RHBDL3: variants seen among roughly 807,000 people sequenced by gnomAD.
RHBDL3 encodes the protein rhomboid like 3.
A neutral mutation model predicts 48.2 loss-of-function variants in RHBDL3; 28 were observed. The observed-to-expected ratio is 0.58, with a 90% confidence interval of 0.43 to 0.80. The LOEUF (loss-of-function observed/expected upper bound fraction) is 0.80. Ranked by LOEUF, RHBDL3 falls within the 30% of genes least tolerant of loss-of-function variation. The probability of loss-of-function intolerance (pLI) is 0.00; values close to 1 mark genes in which losing one functional copy is unlikely to be tolerated. For synonymous variants in RHBDL3, 208 were observed against 232.3 expected, an observed-to-expected ratio of 0.90 and a Z score of 0.95; for missense variants, 464 against 542.7, an observed-to-expected ratio of 0.85 and a Z score of 1.44.
chr17:32,282,685 C>G (rs369956811), intron 2 of RHBDL3, among the ~76,000 whole-genome samples: 1 of 152,054 alleles, frequency 6.6e-6, no homozygotes, highest in South Asian at 2.1e-4. Context: ...TGCAGTGGCA[C>G]GATGTCGGCT....
intron 2 of RHBDL3, chr17:32,284,266 C>CT (rs1156694622): frequency 1.2e-5 from 2 of 163,046 alleles, no homozygotes; most frequent in African/African-American, 4.8e-5. Context: ...GCCCAGTCCC[C>CT]TTTCCCTTTG....
At chr17:32,302,405 G>A (rs1431936771) in intron 6 of RHBDL3, among the ~76,000 whole-genome samples, 1 of 151,976 alleles carries the variant, frequency 6.6e-6, no homozygotes, top group East Asian at 1.9e-4. Context: ...CATCCAGGCT[G>A]GAGTGTAGTG....
intron 4 of RHBDL3, among the ~76,000 whole-genome samples, chr17:32,291,955 A>G (rs886914058): frequency 2.6e-5 from 4 of 151,888 alleles, no homozygotes; most frequent in Admixed American, 2.6e-4. Flanking sequence ...TATTTTTAGT[A>G]GAGACGGGGT....
Position 32,298,092 on chromosome 17 carries a change from G to C in RHBDL3, c.669G>C (p.Gly223=), listed in dbSNP as rs766229314. 3 of 1,608,820 alleles carry C rather than the reference G, an allele frequency of 1.9e-6. No individual in the cohort carries two copies. The highest frequency in any genetic ancestry group is 1.7e-5 in the Admixed American group (1 of 59,958). ...AGTGAGTGTGGTCTCTCTGTCACAG[G>C]ATAGAACACCTGGGACTCAATGTGG... The part of the protein sequence containing the change: ...RYLTYIFMHA[G]IEHLGLNVVL... Residue 223 remains glycine, a splice_region_variant and synonymous_variant, in exon 6 of 9, where the codon GGG becomes GGC. Transcript: ENST00000269051.
chr17:32,289,478 G>T (rs2040277256), intron 4 of RHBDL3, among the ~76,000 whole-genome samples: 1 of 152,132 alleles, frequency 6.6e-6, no homozygotes, highest in African/African-American at 2.4e-5. Context: ...CCTCTCCCAG[G>T]ACACCTTTAT....
At chr17:32,297,282 A>G (rs540457756) in intron 5 of RHBDL3, among the ~76,000 whole-genome samples, 151 of 152,274 alleles carry the variant, frequency 9.9e-4, no homozygotes, top group South Asian at 9.3e-3. Context: ...AGCCTGCCTA[A>G]CATGGTGAAA....
intron 6 of RHBDL3, among the ~76,000 whole-genome samples, chr17:32,301,034 C>T (rs1357947000): frequency 3.3e-5 from 5 of 152,128 alleles, no homozygotes; most frequent in South Asian, 2.1e-4. Flanking sequence ...TGCCCACCAC[C>T]GCGCCCGGCT....
intron 7 of RHBDL3, among the ~76,000 whole-genome samples, chr17:32,313,960 T>C (rs1055967809): frequency 9.2e-5 from 14 of 152,196 alleles, no homozygotes; most frequent in Admixed American, 5.2e-4. Flanking sequence ...GATTTCACCA[T>C]GTTAGCCAGG....
intron 2 of RHBDL3, among the ~76,000 whole-genome samples, chr17:32,276,830 G>A (rs111344847): frequency 7.8e-5 from 6 of 76,712 alleles, no homozygotes; most frequent in Non-Finnish European, 1.2e-4. Context: ...TCCGGCCCTA[G>A]CACCTTACTC....
rs535866723 is a variant in RHBDL3, at chr17:32,321,493, T to A, written c.*264T>A. 3.3e-5 allele frequency: 30 copies of A among 895,924 alleles called. No homozygotes were observed. The highest frequency in any genetic ancestry group is 2.6e-4 in the Middle Eastern group (1 of 3,844). The allele number at this position is 895,924 out of a possible 1,614,324, so 55.5% of individuals were successfully genotyped here. ...GCCAGGGTGAAGGTCTGGGGTGGGG[T>A]GTGAGAGTGGCCCTCCCTCACCTGG... is the stretch of plus-strand genomic sequence containing the variant. On this transcript the variant is annotated 3_prime_UTR_variant, in exon 9 of 9. Transcript: ENST00000269051.
intron 5 of RHBDL3, among the ~76,000 whole-genome samples, chr17:32,296,331 C>T (rs1323261870): frequency 7.2e-5 from 6 of 83,804 alleles, no homozygotes; most frequent in South Asian, 4.3e-4. Context: ...GAATAGGTCT[C>T]TTTTTTTTTT....
At chr17:32,319,043 G>A (rs2041042599) in intron 8 of RHBDL3, among the ~76,000 whole-genome samples, 1 of 151,818 alleles carries the variant, frequency 6.6e-6, no homozygotes, top group Admixed American at 6.6e-5. Context: ...GGCAGTGGGT[G>A]TGTCATAGCT....
In RHBDL3 at chr17:32,312,291, C is replaced by T. The variant is rs146109069; in HGVS notation, c.883-3941C>T. ...TCTCTACAAAAATTTAAAAATTAGC[C>T]GGGTGTGGTACAGTGTGCCTACAGT... On this transcript the variant is annotated intron_variant, in intron 7 of 8. Coordinates refer to ENST00000269051, the MANE Select transcript of RHBDL3 (RefSeq NM_138328.3). Among the ~76,000 whole-genome samples the T allele has an allele frequency of 1.4e-3, 208 of 151,904 alleles. 1 individual carries two copies. The highest frequency in any genetic ancestry group is 4.8e-3 in the African/African-American group (197 of 41,424).
chr17:32,287,494 G>T (rs1043301367), intron 3 of RHBDL3, among the ~76,000 whole-genome samples: 1 of 152,190 alleles, frequency 6.6e-6, no homozygotes, highest in Admixed American at 6.5e-5. Context: ...GCCTGCTGGA[G>T]GGGGCGAGCT....
intron 2 of RHBDL3, among the ~76,000 whole-genome samples, chr17:32,271,992 C>G (rs1264548429): frequency 1.3e-5 from 2 of 152,218 alleles, no homozygotes; most frequent in Non-Finnish European, 2.9e-5. Context: ...GGGTTCAAGT[C>G]TTACTCACTT....
At chr17:32,292,451 C>T (rs1029332257) in intron 4 of RHBDL3, among the ~76,000 whole-genome samples, 1 of 152,084 alleles carries the variant, frequency 6.6e-6, no homozygotes, top group Non-Finnish European at 1.5e-5. Context: ...TAGCATTATT[C>T]ACAATAGTCA....
intron 1 of RHBDL3, among the ~76,000 whole-genome samples, chr17:32,267,439 A>AGG (rs147012572): frequency 0.11 from 15,036 of 135,400 alleles, 974 homozygotes; most frequent in Admixed American, 0.14. Context: ...CTGGGGGGGG[A>AGG]GGGGGGGGCT....
chr17:32,316,121 C>A, intron 7 of RHBDL3, 111 bp from the exon 8 acceptor site: 1 of 770,750 alleles, frequency 1.3e-6, no homozygotes, highest in South Asian at 1.6e-5. Context: ...ACAACCCTCT[C>A]ATTCAGGACT....
intron 3 of RHBDL3, among the ~76,000 whole-genome samples, chr17:32,287,027 C>T (rs2150712363): frequency 6.6e-6 from 1 of 152,354 alleles, no homozygotes; most frequent in South Asian, 2.1e-4. Flanking sequence ...TACTCACCCT[C>T]TCCAAGCTTC....
Sources: allele counts gnomAD v4.1 joint callset (sites outside exome capture counted in the v4.1 genomes callset), GRCh38; gene constraint gnomAD v4.1.1; transcripts MANE v1.5; gene names NCBI Gene and HGNC (gene_info 2026-07-23, HGNC 2026-07-21).